EFCAB11: variants seen among roughly 807,000 people sequenced by gnomAD.
EFCAB11 encodes the protein EF-hand calcium-binding domain-containing protein 11.
A neutral mutation model predicts 23.0 loss-of-function variants in EFCAB11; 14 were observed. The observed-to-expected ratio is 0.61, with a 90% CI of 0.40 to 0.95. The LOEUF (loss-of-function observed/expected upper bound fraction) is 0.95, where lower values mean the gene tolerates loss of function less well. Ranked by LOEUF, EFCAB11 falls within the 40% of genes least tolerant of loss-of-function variation. The probability of loss-of-function intolerance (pLI) is 0.00; values close to 1 mark genes in which losing one functional copy is unlikely to be tolerated. For missense variants in EFCAB11, 198 were observed against 195.8 expected, an observed-to-expected ratio of 1.01 and a Z score of -0.07; for synonymous variants, 65 against 66.6, an observed-to-expected ratio of 0.98 and a Z score of 0.11.
chr14:89,858,524 C>T (rs1330758303), intron 5 of EFCAB11, among the ~76,000 whole-genome samples: 1 of 152,178 alleles, frequency 6.6e-6, no homozygotes, highest in African/African-American at 2.4e-5. Context: ...AGGTCTCACT[C>T]TGTCGCCCAG....
chr14:89,823,370 G>A (rs1176251263), intron 5 of EFCAB11, among the ~76,000 whole-genome samples: 1 of 152,120 alleles, frequency 6.6e-6, no homozygotes, highest in African/African-American at 2.4e-5. Context: ...TGAACTTCCA[G>A]GTAAGAGCCC....
intron 3 of EFCAB11, among the ~76,000 whole-genome samples, chr14:89,947,714 C>G (rs1431622092): frequency 1.3e-5 from 2 of 152,156 alleles, no homozygotes; most frequent in African/African-American, 2.4e-5. Context: ...CCCTCTGTCA[C>G]TCCTAAGTCT....
At chr14:89,889,015 T>A (rs988409921) in intron 5 of EFCAB11, among the ~76,000 whole-genome samples, 1 of 151,950 alleles carries the variant, frequency 6.6e-6, no homozygotes, top group Non-Finnish European at 1.5e-5. Context: ...ACCAGACAAA[T>A]GGAAAAAACA....
intron 5 of EFCAB11, among the ~76,000 whole-genome samples, chr14:89,915,899 A>G (rs1889824456): frequency 6.6e-6 from 1 of 152,256 alleles, no homozygotes; most frequent in African/African-American, 2.4e-5. Context: ...TTGTTAAAAA[A>G]TTGAACTTTT....
rs1444553494 is a variant in EFCAB11, at chr14:89,953,963, G to A, written c.114C>T (p.Leu38=). The change falls in exon 2 of 6, where the codon CTC becomes CTT. Residue 38 remains leucine (L), a synonymous_variant. Coordinates refer to ENST00000316738, the MANE Select transcript of EFCAB11 (RefSeq NM_145231.4). ...KACDEDHKGY[L]SREDFKTAVV... is the part of the protein sequence containing the mutation. Reference sequence around the variant, plus strand: ...CAGCAGTTTTAAAGTCCTCTCTGCTGAGATATCCTTTGTGATCTTCATCAC... The same window carrying A: ...CAGCAGTTTTAAAGTCCTCTCTGCTAAGATATCCTTTGTGATCTTCATCAC... The A allele has an allele frequency of 1.2e-6, 2 of 1,613,632 alleles. No homozygotes were observed. The highest frequency in any genetic ancestry group is 1.7e-5 in the Admixed American group (1 of 59,996).
At chr14:89,895,789 A>C (rs1216180658) in intron 5 of EFCAB11, among the ~76,000 whole-genome samples, 1 of 152,228 alleles carries the variant, frequency 6.6e-6, no homozygotes, top group Admixed American at 6.5e-5. Flanking sequence ...ACAAAGATTC[A>C]TAAATTTAAC....
intron 3 of EFCAB11, among the ~76,000 whole-genome samples, chr14:89,936,185 T>C (rs1890575014): frequency 6.6e-6 from 1 of 152,158 alleles, no homozygotes; most frequent in South Asian, 2.1e-4. Context: ...GAGAACTACA[T>C]CGATAATATT....
intron 5 of EFCAB11, among the ~76,000 whole-genome samples, chr14:89,827,628 CTTTTTTTTTTT>C (rs36007256): frequency 9.5e-6 from 1 of 105,116 alleles, no homozygotes; most frequent in Non-Finnish European, 1.9e-5. Context: ...TTTATTCACT[CTTTTTTTTTTT>C]TTTTTTTTTT....
At chr14:89,848,476 A>G (rs1404124602) in intron 5 of EFCAB11, 1 of 152,198 alleles carries the variant, frequency 6.6e-6, no homozygotes, top group Admixed American at 6.5e-5. Flanking sequence ...GATGGGCAGA[A>G]ATGTCTTGAG....
chr14:89,952,532 C>T, intron 2 of EFCAB11: 1 of 985,462 alleles, frequency 1.0e-6, no homozygotes, highest in East Asian at 1.1e-4. Context: ...CTTCTCTGAG[C>T]TCCATAATAA....
intron 5 of EFCAB11, chr14:89,923,945 T>C: frequency 1.0e-6 from 1 of 985,448 alleles, no homozygotes. Flanking sequence ...CACTTTCCTT[T>C]AGGCCCTCAG....
chr14:89,872,794 C>T (rs1221132557), intron 5 of EFCAB11, among the ~76,000 whole-genome samples: 2 of 152,114 alleles, frequency 1.3e-5, no homozygotes, highest in African/African-American at 4.8e-5. Context: ...CACACACACA[C>T]ACACACAGAC....
chr14:89,857,190 T>C (rs538668729), intron 5 of EFCAB11, among the ~76,000 whole-genome samples: 4 of 152,372 alleles, frequency 2.6e-5, no homozygotes, highest in South Asian at 2.1e-4. Context: ...TATTTACTTA[T>C]AGGCTTGTTA....
intron 5 of EFCAB11, among the ~76,000 whole-genome samples, chr14:89,921,224 C>A (rs776340974): frequency 6.6e-6 from 1 of 151,950 alleles, no homozygotes; most frequent in Non-Finnish European, 1.5e-5. Context: ...AGAAATGAGA[C>A]AGTATATGGC....
chr14:89,827,628 C>CTTTTTTTT (rs36007256), intron 5 of EFCAB11, among the ~76,000 whole-genome samples: 2 of 105,116 alleles, frequency 1.9e-5, no homozygotes, highest in African/African-American at 3.6e-5. Context: ...TTTATTCACT[C>CTTTTTTTT]TTTTTTTTTT....
chr14:89,809,296 A>T lies in EFCAB11; in HGVS notation c.411-11972T>A, dbSNP rs183682281. On this transcript the variant is annotated intron_variant, in intron 5 of 5. Coordinates refer to ENST00000316738, the MANE Select transcript of EFCAB11 (RefSeq NM_145231.4). ...TCAATAATGCGTAAATCACTAAGGGACATTAGGATGTTGGGGAGCTCTCCC... is the reference window on the plus strand; with the variant it reads ...TCAATAATGCGTAAATCACTAAGGGTCATTAGGATGTTGGGGAGCTCTCCC... Among the ~76,000 whole-genome samples, 257 of 152,298 alleles carry T rather than the reference A, an allele frequency of 1.7e-3. 3 individuals are homozygous for T. Among genetic ancestry groups the T allele is most frequent in the African/African-American group, 6.0e-3 (248 of 41,566 alleles).
chr14:89,940,252 G>T (rs1328122933), intron 3 of EFCAB11, among the ~76,000 whole-genome samples: 1 of 152,126 alleles, frequency 6.6e-6, no homozygotes, highest in Non-Finnish European at 1.5e-5. Context: ...TTATAGAAAA[G>T]AACTAAGAAG....
chr14:89,820,083 C>T (rs1400531015), intron 5 of EFCAB11, among the ~76,000 whole-genome samples: 1 of 151,936 alleles, frequency 6.6e-6, no homozygotes. Flanking sequence ...GGACACAAAA[C>T]CACATATACA....
At chr14:89,951,735 C>T (rs1164696347) in intron 2 of EFCAB11, among the ~76,000 whole-genome samples, 1 of 151,124 alleles carries the variant, frequency 6.6e-6, no homozygotes, top group Admixed American at 6.6e-5. Flanking sequence ...TTGGTGAAAC[C>T]CCATCTCTAC....
Sources: allele counts gnomAD v4.1 joint callset (sites outside exome capture counted in the v4.1 genomes callset), GRCh38; gene constraint gnomAD v4.1.1; transcripts MANE v1.5; gene names NCBI Gene and HGNC (gene_info 2026-07-23, HGNC 2026-07-21).